The following SUPT3H variants were observed in gnomAD, a reference collection of about 807,000 sequenced individuals.
The protein encoded by SUPT3H is transcription initiation protein SPT3 homolog.
Under a neutral mutation model 44.3 loss-of-function variants are expected in SUPT3H, and 44 were observed. That is an observed-to-expected ratio of 0.99 (90% CI 0.78 to 1.28). The LOEUF (loss-of-function observed/expected upper bound fraction) is 1.28. Ranked by LOEUF, SUPT3H falls within the 50% of genes most tolerant of loss-of-function variation. SUPT3H has a pLI of 0.00. For missense variants in SUPT3H, 380 were observed against 387.1 expected (o/e 0.98, Z 0.15); for synonymous variants, 124 against 125.6 (o/e 0.99, Z 0.09).
Position 45,293,737 on chromosome 6 carries a change from A to G in SUPT3H, c.101+71464T>C, listed in dbSNP as rs1202455788. Among the ~76,000 whole-genome samples, 10 of 152,320 alleles carry G rather than the reference A, an allele frequency of 6.6e-5. No homozygotes were observed. The East Asian group carries it at 1.7e-3, about 26-fold the overall frequency. On this transcript the variant is annotated intron_variant, in intron 2 of 10. Coordinates refer to ENST00000371459, the MANE Select transcript of SUPT3H (RefSeq NM_003599.4). ...TACATCCACAGACTAGAAAACCTAG[A>G]AGAAATGGATAAATTCTTGAAAAGA...
chr6:44,993,854 C>G (rs547913298), intron 6 of SUPT3H, among the ~76,000 whole-genome samples: 5 of 152,114 alleles, frequency 3.3e-5, no homozygotes, highest in Admixed American at 1.3e-4. Flanking sequence ...AGGAACTAAC[C>G]TTGACGTATT....
chr6:44,961,965 C>G (rs573030819), intron 6 of SUPT3H, 137 bp from the exon 7 acceptor site: 1 of 542,816 alleles, frequency 1.8e-6, no homozygotes, highest in Admixed American at 3.7e-5. Flanking sequence ...ACATAGATCA[C>G]GATACATAAA....
intron 2 of SUPT3H, among the ~76,000 whole-genome samples, chr6:45,119,483 C>T (rs1801298382): frequency 6.6e-6 from 1 of 152,080 alleles, no homozygotes; most frequent in African/African-American, 2.4e-5. Context: ...TGTGAAAGTT[C>T]AGTGGGCACA....
chr6:44,972,121 A>G (rs1300244711), intron 6 of SUPT3H, among the ~76,000 whole-genome samples: 1 of 152,154 alleles, frequency 6.6e-6, no homozygotes, highest in East Asian at 1.9e-4. Context: ...CCAAAAGTCC[A>G]AGTCCAAAGT....
chr6:44,894,378 G>C (rs1240808706), intron 10 of SUPT3H, among the ~76,000 whole-genome samples: 2 of 151,968 alleles, frequency 1.3e-5, no homozygotes, highest in African/African-American at 4.8e-5. Flanking sequence ...AGTCTTTAAT[G>C]CATCTTGAAT....
At chr6:45,121,759 T>C (rs1801706952) in intron 2 of SUPT3H, among the ~76,000 whole-genome samples, 1 of 152,148 alleles carries the variant, frequency 6.6e-6, no homozygotes, top group Non-Finnish European at 1.5e-5. Context: ...CACTGCAATC[T>C]CCGCCTCCCA....
intron 3 of SUPT3H, among the ~76,000 whole-genome samples, chr6:45,028,051 T>G (rs1404872122): frequency 6.6e-6 from 1 of 152,238 alleles, no homozygotes; most frequent in African/African-American, 2.4e-5. Context: ...TAACAATACT[T>G]CAACCTGTAT....
At chr6:45,006,710 T>C (rs182751028) in intron 5 of SUPT3H, among the ~76,000 whole-genome samples, 19 of 152,232 alleles carry the variant, frequency 1.2e-4, no homozygotes, top group Non-Finnish European at 2.5e-4. Flanking sequence ...TTCCTATCAA[T>C]AGACCTTTGA....
chr6:44,829,756 G>T lies in SUPT3H; in HGVS notation c.*60C>A, dbSNP rs1768271413. 1.9e-6 allele frequency: 3 copies of T among 1,568,688 alleles called. No individual in the cohort carries two copies. The highest frequency in any genetic ancestry group is 2.3e-5 in the East Asian group (1 of 44,426). On this transcript the variant is annotated 3_prime_UTR_variant, in exon 11 of 11. Transcript: ENST00000371459. ...AATTTGTATTTTATTTTGTTCACAA[G>T]AAATCACCTTAATATAACATTGCCT...
chr6:44,985,133 G>T (rs1779600223), intron 6 of SUPT3H, among the ~76,000 whole-genome samples: 1 of 149,122 alleles, frequency 6.7e-6, no homozygotes, highest in Non-Finnish European at 1.5e-5. Context: ...GAGGCCAGGA[G>T]TTCAGAACCA....
At chr6:45,169,097 C>T (rs1810379427) in intron 2 of SUPT3H, among the ~76,000 whole-genome samples, 1 of 152,136 alleles carries the variant, frequency 6.6e-6, no homozygotes, top group Non-Finnish European at 1.5e-5. Context: ...CAATTAGAGT[C>T]CACATATTCT....
Position 44,829,654 on chromosome 6 carries a change from G to A in SUPT3H, c.*162C>T, listed in dbSNP as rs1041779465. 1 of 715,558 alleles carries A rather than the reference G, an allele frequency of 1.4e-6. No individual in the cohort carries two copies. The highest frequency in any genetic ancestry group is 2.4e-6 in the Non-Finnish European group (1 of 417,420). The allele number at this position is 715,558 out of a possible 1,614,324, so 44.3% of individuals were successfully genotyped here. ...TCTAGTAAACAAGACCGATGGTTGA[G>A]GGGCTGGAAAAGAGGAGGAGTCAGC... On this transcript the variant is annotated 3_prime_UTR_variant, in exon 11 of 11. Transcript: ENST00000371459.
chr6:44,980,103 G>A (rs1169220728), intron 6 of SUPT3H, among the ~76,000 whole-genome samples: 2 of 152,084 alleles, frequency 1.3e-5, no homozygotes, highest in South Asian at 4.2e-4. Flanking sequence ...CACAAACACT[G>A]ACTGAAGTCT....
At chr6:45,297,098 A>C (rs555184847) in intron 2 of SUPT3H, among the ~76,000 whole-genome samples, 1 of 152,046 alleles carries the variant, frequency 6.6e-6, no homozygotes. Context: ...AAAAGGAAAA[A>C]AAAATGATGT....
At chr6:44,881,343 C>G (rs1778189826) in intron 10 of SUPT3H, among the ~76,000 whole-genome samples, 1 of 152,094 alleles carries the variant, frequency 6.6e-6, no homozygotes. Context: ...GCTAACTATC[C>G]TAAATATATA....
rs139912687 is a variant in SUPT3H at position 44,979,650 on chromosome 6, C to A, written c.505-17822G>T. 2.8e-4 allele frequency among the ~76,000 whole-genome samples: 42 copies of A among 152,132 alleles called. 1 individual carries two copies. The East Asian group carries it at 5.2e-3, about 19-fold the overall frequency. Reference sequence around the variant, plus strand: ...GAGTAATCTCTACAGCCTCCTTGACCCATTAAAAGGTGATGAGTTTGTGTG... The same window carrying A: ...GAGTAATCTCTACAGCCTCCTTGACACATTAAAAGGTGATGAGTTTGTGTG... On this transcript the variant is annotated intron_variant, in intron 6 of 10. Transcript: ENST00000371459.
chr6:44,992,538 C>A (rs1399819659), intron 6 of SUPT3H, among the ~76,000 whole-genome samples: 1 of 152,098 alleles, frequency 6.6e-6, no homozygotes, highest in East Asian at 1.9e-4. Flanking sequence ...AATATCATGT[C>A]CCCATAACAA....
intron 6 of SUPT3H, among the ~76,000 whole-genome samples, chr6:44,988,128 C>T (rs907000688): frequency 6.6e-6 from 1 of 151,926 alleles, no homozygotes; most frequent in African/African-American, 2.4e-5. Context: ...CTAGGGCAGG[C>T]ATTGGTGCAG....
chr6:45,180,125 A>G (rs1584078079), intron 2 of SUPT3H, among the ~76,000 whole-genome samples: 2 of 131,918 alleles, frequency 1.5e-5, no homozygotes, highest in East Asian at 4.2e-4. Flanking sequence ...CAATTGCTTC[A>G]AAGAGAATAA....
Sources: allele counts gnomAD v4.1 joint callset (sites outside exome capture counted in the v4.1 genomes callset), GRCh38; gene constraint gnomAD v4.1.1; transcripts MANE v1.5; gene names NCBI Gene and HGNC (gene_info 2026-07-23, HGNC 2026-07-21).